Variants in DSCAM observed in about 807,000 individuals in gnomAD.
DSCAM encodes the protein cell adhesion molecule DSCAM.
A neutral mutation model predicts 217.7 loss-of-function variants in DSCAM; 47 were observed. The observed-to-expected ratio is 0.22, with a 90% CI of 0.17 to 0.28. DSCAM has a LOEUF of 0.28. DSCAM is among the 10% of genes least tolerant of loss of function. The probability of loss-of-function intolerance (pLI) is 1.00; values close to 1 mark genes in which losing one functional copy is unlikely to be tolerated. For missense variants in DSCAM, 2,080 were observed against 2,618.3 expected, an observed-to-expected ratio of 0.79 and a Z score of 4.49; for synonymous variants, 1,056 against 1,015.3, an observed-to-expected ratio of 1.04 and a Z score of -0.76.
intron 3 of DSCAM, among the ~76,000 whole-genome samples, chr21:40,674,373 C>T (rs2146407824): frequency 6.6e-6 from 1 of 152,206 alleles, no homozygotes; most frequent in South Asian, 2.1e-4. Context: ...TGGTCATGTG[C>T]CAATTGCTCA....
chr21:40,544,150 A>T (rs1253176097), intron 3 of DSCAM, among the ~76,000 whole-genome samples: 2 of 152,268 alleles, frequency 1.3e-5, no homozygotes, highest in East Asian at 3.9e-4. Flanking sequence ...TTCATAATAC[A>T]GGCAGGTGGG....
At chr21:40,184,225 T>C (rs1179243970) in intron 14 of DSCAM, among the ~76,000 whole-genome samples, 1 of 152,226 alleles carries the variant, frequency 6.6e-6, no homozygotes, top group Non-Finnish European at 1.5e-5. Flanking sequence ...ACTTAAATTA[T>C]GGTTGTAATT....
At chr21:40,680,186 C>T (rs1012148179) in intron 3 of DSCAM, among the ~76,000 whole-genome samples, 15 of 152,116 alleles carry the variant, frequency 9.9e-5, no homozygotes, top group African/African-American at 3.6e-4. Context: ...ATGACTAACT[C>T]AAGGTTACGT....
chr21:40,647,422 C>G (rs2089961020), intron 3 of DSCAM, among the ~76,000 whole-genome samples: 1 of 152,152 alleles, frequency 6.6e-6, no homozygotes, highest in African/African-American at 2.4e-5. Flanking sequence ...GATTAAACAT[C>G]AATCCCAGAC....
chr21:40,673,879 G>C (rs1360661256), intron 3 of DSCAM, among the ~76,000 whole-genome samples: 1 of 152,156 alleles, frequency 6.6e-6, no homozygotes, highest in East Asian at 1.9e-4. Context: ...ATAGCCTGCA[G>C]AACCGTGAGC....
intron 32 of DSCAM, among the ~76,000 whole-genome samples, chr21:40,028,893 C>A (rs1478033839): frequency 1.3e-5 from 2 of 152,054 alleles, no homozygotes; most frequent in East Asian, 1.9e-4. Flanking sequence ...ATCTCTTCAA[C>A]AGATAAAGGG....
In DSCAM at chr21:40,347,805, T is replaced by C. The variant is rs959291615; in HGVS notation, c.1075A>G (p.Asn359Asp). The change falls in exon 6 of 33, where the codon AAT (asparagine) becomes GAT (aspartate). Residue 359 changes from asparagine (N) to aspartate (D), a missense_variant. By Grantham distance (23) the Asn-to-Asp change is conservative. Coordinates refer to ENST00000400454, the MANE Select transcript of DSCAM (RefSeq NM_001389.5). ...TGGTTGATCCCTGTGATCCTCACAT[T>C]TTTTCCAGGGTTGAGGATTTCACCA... ...RNGEILNPGK[N>D]VRITGINHEN... is the part of the protein sequence containing the mutation. 11 of 1,614,062 alleles carry C rather than the reference T, an allele frequency of 6.8e-6. No individual in the cohort carries two copies. The highest frequency in any genetic ancestry group is 9.3e-6 in the Non-Finnish European group (11 of 1,180,032).
intron 3 of DSCAM, among the ~76,000 whole-genome samples, chr21:40,390,879 T>C (rs1203463196): frequency 6.6e-6 from 1 of 152,206 alleles, no homozygotes; most frequent in Non-Finnish European, 1.5e-5. Context: ...ACTGGCGCAT[T>C]AGAGCTTCAA....
chr21:40,182,620 GCCACCAGAGAAACCGT>G (rs2090826021), intron 14 of DSCAM, among the ~76,000 whole-genome samples: 2 of 135,280 alleles, frequency 1.5e-5, no homozygotes, highest in Non-Finnish European at 1.5e-5. Flanking sequence ...GACAGAACGG[GCCACCAGAGAAACCGT>G]GGACAGGAGG....
intron 3 of DSCAM, among the ~76,000 whole-genome samples, chr21:40,423,028 T>C (rs558683567): frequency 5.7e-4 from 87 of 152,294 alleles, no homozygotes; most frequent in African/African-American, 2.1e-3. Context: ...TTTGTCACTA[T>C]TAGAGCTAGA....
At chr21:40,283,858 G>A (rs577487464) in intron 10 of DSCAM, among the ~76,000 whole-genome samples, 2 of 152,292 alleles carry the variant, frequency 1.3e-5, no homozygotes, top group East Asian at 3.9e-4. Context: ...CATCCAGAGG[G>A]GTCCCCTTGT....
chr21:40,160,904 C>T (rs2090533902), intron 16 of DSCAM, among the ~76,000 whole-genome samples: 1 of 152,200 alleles, frequency 6.6e-6, no homozygotes, highest in Non-Finnish European at 1.5e-5. Context: ...GGCAGACGGC[C>T]TTGGTCCTAA....
intron 11 of DSCAM, among the ~76,000 whole-genome samples, chr21:40,229,947 C>A (rs1278128770): frequency 6.6e-6 from 1 of 152,146 alleles, no homozygotes; most frequent in Non-Finnish European, 1.5e-5. Context: ...TTCTGCATGC[C>A]CACCAGCAAT....
At chr21:40,344,127 G>A (rs950680477) in intron 6 of DSCAM, among the ~76,000 whole-genome samples, 7 of 152,094 alleles carry the variant, frequency 4.6e-5, no homozygotes, top group African/African-American at 1.7e-4. Context: ...TCAAACTCCT[G>A]ACCTCGAGTG....
At chr21:40,454,850 T>A (rs1601656745) in intron 3 of DSCAM, among the ~76,000 whole-genome samples, 1 of 152,090 alleles carries the variant, frequency 6.6e-6, no homozygotes, top group African/African-American at 2.4e-5. Context: ...CATAAAATAG[T>A]AGGAGAGGCA....
intron 10 of DSCAM, among the ~76,000 whole-genome samples, chr21:40,290,722 G>A (rs1229686578): frequency 6.6e-6 from 1 of 152,210 alleles, no homozygotes; most frequent in Non-Finnish European, 1.5e-5. Flanking sequence ...CAGGCAGTCT[G>A]TGCTCCCTCC....
intron 1 of DSCAM, among the ~76,000 whole-genome samples, chr21:40,842,542 T>A (rs1345670597): frequency 4.6e-5 from 7 of 152,190 alleles, no homozygotes; most frequent in African/African-American, 1.2e-4. Flanking sequence ...AAATTTCCAA[T>A]CTACAGTGTT....
intron 18 of DSCAM, among the ~76,000 whole-genome samples, chr21:40,139,173 T>C (rs1182836684): frequency 2.0e-5 from 3 of 150,938 alleles, no homozygotes; most frequent in Non-Finnish European, 2.9e-5. Flanking sequence ...GTGTGTGTGG[T>C]GTGGTATGTG....
intron 3 of DSCAM, among the ~76,000 whole-genome samples, chr21:40,435,020 G>A (rs1202860884): frequency 6.6e-6 from 1 of 152,202 alleles, no homozygotes; most frequent in Middle Eastern, 3.2e-3. Flanking sequence ...TCCCCAACAA[G>A]TGCTCTAGAA....
Sources: gnomAD v4.1 joint callset for allele counts (sites outside exome capture counted in the v4.1 genomes callset) on GRCh38, gnomAD v4.1.1 for gene constraint, MANE v1.5 for transcripts, NCBI Gene and HGNC (gene_info 2026-07-23, HGNC 2026-07-21) for gene names.